Variants in CCDC88A observed in about 807,000 individuals in gnomAD.
The protein encoded by CCDC88A is girdin.
In CCDC88A, 54 loss-of-function variants were observed where a neutral mutation model predicts 234.3. That is an observed-to-expected ratio of 0.23 (90% CI 0.19 to 0.29). The LOEUF (loss-of-function observed/expected upper bound fraction) is 0.29, where lower values mean the gene tolerates loss of function less well. CCDC88A is among the 10% of genes least tolerant of loss of function. The pLI, the probability that CCDC88A is intolerant of heterozygous loss-of-function variation, is 1.00. For synonymous variants in CCDC88A, 753 were observed against 737.8 expected (o/e 1.02, Z -0.33); for missense variants, 1,832 against 2,123.4 (o/e 0.86, Z 2.70).
At chr2:55,296,637 C>G (rs1316130433) in intron 29 of CCDC88A, 114 bp from the exon 30 acceptor site, 14 of 1,003,412 alleles carry the variant, frequency 1.4e-5, no homozygotes, top group South Asian at 6.4e-5. Flanking sequence ...AATTTACTTT[C>G]AAGCTTTATT....
At position 55,295,828 on chromosome 2, in the gene CCDC88A, T is replaced by G; in HGVS notation, c.5320A>C (p.Thr1774Pro). Residue 1774 changes from threonine (T) to proline (P), a missense_variant, in exon 31 of 33, where the codon ACA becomes CCA. By Grantham distance (38) the Thr-to-Pro change is conservative. Coordinates refer to ENST00000436346, the MANE Select transcript of CCDC88A (RefSeq NM_001365480.1). Reference sequence around the variant, plus strand: ...TTTATTTTTCCTTGAGTGCCTGGTGTAGGTTTTCCCGCAGAACTAATGAAG... The same window carrying G: ...TTTATTTTTCCTTGAGTGCCTGGTGGAGGTTTTCCCGCAGAACTAATGAAG... ...TYFISSAGKP[T>P]PGTQGKIKLV... The G allele has an allele frequency of 6.2e-7, 1 of 1,614,098 alleles. No homozygotes were observed. Among genetic ancestry groups the G allele is most frequent in the Non-Finnish European group, 8.5e-7 (1 of 1,180,000 alleles).
At chr2:55,356,031 A>AG in intron 7 of CCDC88A, 1 of 203,336 alleles carries the variant, frequency 4.9e-6, no homozygotes, top group Non-Finnish European at 9.9e-6. Context: ...GTACACGTGC[A>AG]GGGTATGCAT....
intron 2 of CCDC88A, among the ~76,000 whole-genome samples, chr2:55,398,625 C>A (rs1312870697): frequency 6.6e-6 from 1 of 151,942 alleles, no homozygotes; most frequent in African/African-American, 2.4e-5. Flanking sequence ...AAGTCCTAAG[C>A]TCCTGGGCTG....
chr2:55,304,498 G>A (rs763996548), intron 25 of CCDC88A, among the ~76,000 whole-genome samples: 107 of 152,012 alleles, frequency 7.0e-4, no homozygotes, highest in Non-Finnish European at 1.3e-3. Context: ...CAAAAGATTC[G>A]TTGGGGGAAA....
chr2:55,391,200 T>C (rs1203443316), intron 2 of CCDC88A, among the ~76,000 whole-genome samples: 2 of 152,144 alleles, frequency 1.3e-5, no homozygotes, highest in African/African-American at 2.4e-5. Flanking sequence ...AGAAGAGTCA[T>C]GTGTTAGAAG....
At chr2:55,357,387 T>TCC (rs1670731284) in intron 7 of CCDC88A, among the ~76,000 whole-genome samples, 1 of 146,670 alleles carries the variant, frequency 6.8e-6, no homozygotes, top group East Asian at 2.1e-4. Context: ...CCTCTCTCCC[T>TCC]CCTCTCTCTC....
intron 2 of CCDC88A, among the ~76,000 whole-genome samples, chr2:55,406,380 T>C (rs114628467): frequency 7.9e-5 from 12 of 152,258 alleles, no homozygotes; most frequent in Admixed American, 2.0e-4. Context: ...TTGGTAAAAA[T>C]AGATTGGGGG....
intron 3 of CCDC88A, among the ~76,000 whole-genome samples, chr2:55,382,407 C>T (rs918824455): frequency 1.3e-5 from 2 of 152,082 alleles, no homozygotes; most frequent in African/African-American, 4.8e-5. Context: ...TGGTTCAGAG[C>T]ATTATTTTAG....
At chr2:55,367,408 C>A (rs1170688194) in intron 5 of CCDC88A, among the ~76,000 whole-genome samples, 1 of 151,916 alleles carries the variant, frequency 6.6e-6, no homozygotes, top group Non-Finnish European at 1.5e-5. Flanking sequence ...TGGTAAATTT[C>A]CTATTATGTA....
chr2:55,380,453 TAAGAA>T (rs70954110), intron 3 of CCDC88A, among the ~76,000 whole-genome samples: 130,196 of 151,554 alleles, frequency 0.86, 56,356 homozygotes, highest in Admixed American at 0.93. Flanking sequence ...CTACAATCAT[TAAGAA>T]AAGACAGAAA....
Position 55,357,320 on chromosome 2 carries a change from CTTCCTTCCTTCT to C in CCDC88A, c.628-1581_628-1570del, listed in dbSNP as rs1405431774. The stretch of plus-strand genomic sequence containing the variant: ...TCCCATCTCAAAAATTCCTTCCTTC[CTTCCTTCCTTCT>C]TTCCTTCCTTCCTCCCTCCCTCCTT... On this transcript the variant is annotated intron_variant, in intron 7 of 32. Coordinates refer to ENST00000436346, the MANE Select transcript of CCDC88A (RefSeq NM_001365480.1). Among the ~76,000 whole-genome samples the C allele has an allele frequency of 1.3e-4, 19 of 150,766 alleles. No homozygotes were observed. In the South Asian group the frequency reaches 4.0e-3, roughly 32 times the overall value.
chr2:55,328,350 C>A lies in CCDC88A; in HGVS notation c.2941G>T (p.Ala981Ser). 3 of 1,601,514 alleles carry A rather than the reference C, an allele frequency of 1.9e-6. No individual in the cohort carries two copies. Among genetic ancestry groups the A allele is most frequent in the Non-Finnish European group, 2.6e-6 (3 of 1,174,828 alleles). ...TAATTCGTGGATTCTTCTAATCGAGCTTCTAAAGCAGCAATTTTTTCTTCT... is the reference window on the plus strand; with the variant it reads ...TAATTCGTGGATTCTTCTAATCGAGATTCTAAAGCAGCAATTTTTTCTTCT... ...IKEEKIAALE[A>S]RLEESTNYNQ... Residue 981 changes from alanine (A) to serine (S), a missense_variant, in exon 17 of 33, where the codon GCT (alanine) becomes TCT (serine). Around this residue, in one of 6 missense-constraint regions of CCDC88A, gnomAD observed 1,282 missense variants for 1,543.6 expected, o/e 0.83. Transcript: ENST00000436346. The surrounding 1 kb of genome is among the most constrained non-coding windows in gnomAD (Gnocchi z 4.3).
chr2:55,416,729 A>C (rs1438967256), intron 2 of CCDC88A, among the ~76,000 whole-genome samples: 1 of 151,602 alleles, frequency 6.6e-6, no homozygotes, highest in East Asian at 1.9e-4. Context: ...TTTATAATAG[A>C]GTACATTAAA....
chr2:55,297,578 T>C (rs980439540), intron 29 of CCDC88A, among the ~76,000 whole-genome samples: 23 of 149,354 alleles, frequency 1.5e-4, no homozygotes, highest in Admixed American at 1.4e-4. Context: ...GCCAGGCTAA[T>C]TTTTGTACTT....
intron 8 of CCDC88A, among the ~76,000 whole-genome samples, chr2:55,351,887 C>T (rs1238147968): frequency 6.6e-6 from 1 of 152,144 alleles, no homozygotes; most frequent in South Asian, 2.1e-4. Context: ...TATTACTCAA[C>T]TCTAAAAAGA....
chr2:55,316,639 G>A (rs908888001), intron 21 of CCDC88A, among the ~76,000 whole-genome samples: 2 of 152,188 alleles, frequency 1.3e-5, no homozygotes, highest in Non-Finnish European at 2.9e-5. Context: ...AGGGGCTAAG[G>A]TGGAAGGATT....
chr2:55,323,340 C>T (rs918839525), intron 17 of CCDC88A: 1 of 152,126 alleles, frequency 6.6e-6, no homozygotes, highest in Non-Finnish European at 1.5e-5. Flanking sequence ...TAACCCCAAC[C>T]TTTGTATTAA....
At chr2:55,312,321 A>G (rs1682446212) in intron 23 of CCDC88A, 113 bp downstream of exon 23, 3 of 918,444 alleles carry the variant, frequency 3.3e-6, no homozygotes, top group Middle Eastern at 2.7e-4. Context: ...AAGCACTCAA[A>G]AATATTTGTT....
Position 55,295,237 on chromosome 2 carries a change from T to C in CCDC88A, c.5551+360A>G, listed in dbSNP as rs950909530. ...TGATCAGAAAACTGTTCATTTTCTT[T>C]CTGTGCAGGTTTATCCAAAGAGGCA... On this transcript the variant is annotated intron_variant, in intron 31 of 32. Coordinates refer to ENST00000436346, the MANE Select transcript of CCDC88A (RefSeq NM_001365480.1). The C allele has an allele frequency of 5.2e-6, 7 of 1,338,874 alleles. No individual in the cohort carries two copies. The African/African-American group carries it at 1.0e-4, about 20-fold the overall frequency. The allele number at this position is 1,338,874 out of a possible 1,614,324, so 82.9% of individuals were successfully genotyped here. A position where few individuals can be genotyped will look rare whatever the true frequency, so the allele number is the denominator to read the frequency against.
Sources: allele counts gnomAD v4.1 joint callset (sites outside exome capture counted in the v4.1 genomes callset), GRCh38; gene constraint gnomAD v4.1.1; regional missense constraint gnomAD v4.1.1; non-coding constraint Gnocchi (gnomAD v3.1); transcripts MANE v1.5; gene names NCBI Gene and HGNC (gene_info 2026-07-23, HGNC 2026-07-21).